SIPA1L1: variants seen among roughly 807,000 people sequenced by gnomAD.
SIPA1L1 encodes the protein signal-induced proliferation-associated 1-like protein 1.
A neutral mutation model predicts 162.7 loss-of-function variants in SIPA1L1; 26 were observed. The observed-to-expected ratio is 0.16, with a 90% CI of 0.12 to 0.22. SIPA1L1 has a LOEUF of 0.22. SIPA1L1 is among the 10% of genes least tolerant of loss of function. SIPA1L1 has a pLI of 1.00. For synonymous variants in SIPA1L1, 829 were observed against 837.4 expected (o/e 0.99, Z 0.17); for missense variants, 1,874 against 2,241.0 (o/e 0.84, Z 3.31).
intron 7 of SIPA1L1, among the ~76,000 whole-genome samples, chr14:71,647,039 T>G (rs1260968910): frequency 6.6e-6 from 1 of 152,166 alleles, no homozygotes; most frequent in Non-Finnish European, 1.5e-5. Context: ...CATCTCATTC[T>G]ATCTGGGAGC....
chr14:71,539,920 G>T (rs1043233265), intron 4 of SIPA1L1, among the ~76,000 whole-genome samples: 1 of 152,196 alleles, frequency 6.6e-6, no homozygotes, highest in African/African-American at 2.4e-5. Flanking sequence ...CACCCTAAGG[G>T]TGAAGAGAAG....
intron 7 of SIPA1L1, among the ~76,000 whole-genome samples, chr14:71,641,426 T>C (rs1393048677): frequency 6.6e-6 from 1 of 152,016 alleles, no homozygotes; most frequent in Non-Finnish European, 1.5e-5. Context: ...CTATAAAGCC[T>C]AAAGAAAAAG....
chr14:71,697,204 C>T (rs1393913755), intron 13 of SIPA1L1, among the ~76,000 whole-genome samples: 3 of 152,090 alleles, frequency 2.0e-5, no homozygotes, highest in Non-Finnish European at 2.9e-5. Context: ...GTTGAGAGAC[C>T]TGTCGGGACA....
intron 21 of SIPA1L1, 96 bp downstream of exon 21, chr14:71,733,908 T>G: frequency 7.6e-7 from 1 of 1,308,556 alleles, no homozygotes; most frequent in Non-Finnish European, 1.0e-6. Flanking sequence ...TCAAAACATA[T>G]GTGCCTCACC....
chr14:71,575,424 T>C (rs1288121969), intron 4 of SIPA1L1, among the ~76,000 whole-genome samples: 1 of 152,186 alleles, frequency 6.6e-6, no homozygotes, highest in African/African-American at 2.4e-5. Flanking sequence ...TTTTCTGTAC[T>C]ATTTCAATTA....
rs1458730605 is a variant in SIPA1L1 at position 71,740,440 on chromosome 14, T to G, written c.*1279T>G. ...ACAGAGACATGGGGCTGGCCAGTGT[T>G]GACTGACCTGAGGAGACCCCTTTGT... On this transcript the variant is annotated 3_prime_UTR_variant, in exon 24 of 24. Coordinates refer to ENST00000381232, the MANE Select transcript of SIPA1L1 (RefSeq NM_001386936.1). The G allele has an allele frequency of 6.6e-6, 1 of 152,232 alleles. No individual in the cohort carries two copies. Among genetic ancestry groups the G allele is most frequent in the African/African-American group, 2.4e-5 (1 of 41,444 alleles). The allele number at this position is 152,232 out of a possible 1,614,324, so 9.4% of individuals were successfully genotyped here. A position where few individuals can be genotyped will look rare whatever the true frequency, so the allele number is the denominator to read the frequency against.
chr14:71,477,956 C>G (rs577264725), intron 2 of SIPA1L1, among the ~76,000 whole-genome samples: 74 of 152,286 alleles, frequency 4.9e-4, no homozygotes, highest in African/African-American at 1.8e-3. Flanking sequence ...GTATTTGTGT[C>G]ATTTTCCATT....
At chr14:71,605,686 A>G (rs1335458071) in intron 5 of SIPA1L1, among the ~76,000 whole-genome samples, 1 of 152,210 alleles carries the variant, frequency 6.6e-6, no homozygotes, top group Non-Finnish European at 1.5e-5. Context: ...CTTAGGGTAC[A>G]GTTGTTAATG....
At chr14:71,391,969 T>TA (rs1461399294) in intron 2 of SIPA1L1, among the ~76,000 whole-genome samples, 1 of 152,180 alleles carries the variant, frequency 6.6e-6, no homozygotes, top group Non-Finnish European at 1.5e-5. Context: ...TCCACGCTGT[T>TA]AAAGATTATC....
intron 17 of SIPA1L1, among the ~76,000 whole-genome samples, chr14:71,714,845 G>C (rs979016196): frequency 6.6e-6 from 1 of 152,196 alleles, no homozygotes; most frequent in Non-Finnish European, 1.5e-5. Context: ...GCCTCCCATA[G>C]TGCAGGAATT....
chr14:71,612,987 A>G (rs2038399886), intron 5 of SIPA1L1, among the ~76,000 whole-genome samples: 1 of 152,214 alleles, frequency 6.6e-6, no homozygotes, highest in Admixed American at 6.5e-5. Context: ...AAAACTTCAC[A>G]CTAAACATTT....
At chr14:71,686,688 G>A (rs936155003) in intron 13 of SIPA1L1, among the ~76,000 whole-genome samples, 3 of 152,046 alleles carry the variant, frequency 2.0e-5, no homozygotes, top group African/African-American at 2.4e-5. Flanking sequence ...GGATTACAGC[G>A]TGAGCCACCA....
chr14:71,666,063 T>C (rs1188152758), intron 10 of SIPA1L1, among the ~76,000 whole-genome samples: 2 of 152,118 alleles, frequency 1.3e-5, no homozygotes, highest in African/African-American at 4.8e-5. Context: ...TTTCAACAAC[T>C]ACAGAATTAA....
At chr14:71,341,324 T>G (rs1192135810) in intron 2 of SIPA1L1, among the ~76,000 whole-genome samples, 2 of 152,248 alleles carry the variant, frequency 1.3e-5, no homozygotes, top group African/African-American at 4.8e-5. Flanking sequence ...ATTTATTTTT[T>G]GGGGTGAAAT....
intron 7 of SIPA1L1, among the ~76,000 whole-genome samples, chr14:71,649,085 T>G (rs2042407166): frequency 6.6e-6 from 1 of 152,218 alleles, no homozygotes; most frequent in East Asian, 1.9e-4. Context: ...CTCTTCCCCC[T>G]TTTATTAGAT....
Position 71,588,230 on chromosome 14 carries a change from A to C in SIPA1L1, c.358A>C (p.Ser120Arg). ...CAAAAGCAGTCCTGTGAGTCAGGGA[A>C]GTTCTGTTAGCCTCAATTCCAATGA... ...SSKSSPVSQG[S>R]SVSLNSNDSA... Residue 120 changes from serine to arginine, a missense_variant, in exon 5 of 24, where the codon AGT becomes CGT. Physicochemically the swap from Ser to Arg is moderately radical, Grantham distance 110. This residue lies in a region of SIPA1L1 where 685 missense variants were observed against 828.0 expected (regional missense o/e 0.83). Transcript: ENST00000381232. This position sits in a 1 kb window ranked among gnomAD's most constrained non-coding sequence, Gnocchi z 4.3. 1 of 1,614,176 alleles carries C rather than the reference A, an allele frequency of 6.2e-7. No homozygotes were observed. Among genetic ancestry groups the C allele is most frequent in the Non-Finnish European group, 8.5e-7 (1 of 1,180,012 alleles).
chr14:71,632,129 T>A (rs925996226), intron 7 of SIPA1L1, among the ~76,000 whole-genome samples: 2 of 152,200 alleles, frequency 1.3e-5, no homozygotes, highest in African/African-American at 2.4e-5. Context: ...TTTCTCTGCG[T>A]TCTTCCTGCT....
intron 2 of SIPA1L1, among the ~76,000 whole-genome samples, chr14:71,333,460 A>G (rs914320213): frequency 6.6e-6 from 1 of 152,242 alleles, no homozygotes; most frequent in African/African-American, 2.4e-5. Context: ...TCAACATAGT[A>G]TTGACTATAC....
intron 2 of SIPA1L1, among the ~76,000 whole-genome samples, chr14:71,353,877 G>A (rs1175963472): frequency 1.3e-5 from 2 of 151,948 alleles, no homozygotes; most frequent in Non-Finnish European, 2.9e-5. Flanking sequence ...AGAAGATGTG[G>A]AGTAGTGCCA....
Sources: allele counts gnomAD v4.1 joint callset (sites outside exome capture counted in the v4.1 genomes callset), GRCh38; gene constraint gnomAD v4.1.1; regional missense constraint gnomAD v4.1.1; non-coding constraint Gnocchi (gnomAD v3.1); transcripts MANE v1.5; gene names NCBI Gene and HGNC (gene_info 2026-07-23, HGNC 2026-07-21).